ADAMTSL1: variants seen among roughly 807,000 people sequenced by gnomAD.
ADAMTSL1 encodes the protein ADAMTS-like protein 1.
ADAMTSL1 carries 126 observed loss-of-function variants against 201.8 expected under a neutral mutation model. The ratio of observed to expected loss-of-function variants is 0.62; its 90% CI spans 0.54 to 0.72. ADAMTSL1 has a LOEUF of 0.72. Ranked by LOEUF, ADAMTSL1 falls within the 30% of genes least tolerant of loss-of-function variation. The pLI is 0.00. For synonymous variants in ADAMTSL1, 1,121 were observed against 903.4 expected (o/e 1.24, Z -4.32); for missense variants, 2,679 against 2,277.8 (o/e 1.18, Z -3.59).
At chr9:18,200,380 G>A (rs983514523) in intron 2 of ADAMTSL1, among the ~76,000 whole-genome samples, 1 of 151,924 alleles carries the variant, frequency 6.6e-6, no homozygotes, top group East Asian at 1.9e-4. Context: ...TTTTGGAACT[G>A]TATAAATTCT....
intron 2 of ADAMTSL1, among the ~76,000 whole-genome samples, chr9:18,293,952 CATAAA>C: frequency 6.6e-6 from 1 of 152,184 alleles, no homozygotes; most frequent in East Asian, 1.9e-4. Flanking sequence ...CTGTACTAAA[CATAAA>C]ATAACAGGGA....
At chr9:18,063,050 C>T (rs553308893) in intron 1 of ADAMTSL1, among the ~76,000 whole-genome samples, 11 of 152,104 alleles carry the variant, frequency 7.2e-5, no homozygotes, top group South Asian at 4.2e-4. Context: ...AGTTTGTTGC[C>T]GGGTGTGGTA....
At chr9:18,573,472 GT>G (rs1185174963) in intron 3 of ADAMTSL1, 2 of 155,758 alleles carry the variant, frequency 1.3e-5, no homozygotes, top group Non-Finnish European at 2.9e-5. Context: ...TATATAAATG[GT>G]TTCATATTTT....
At chr9:18,596,521 G>A (rs1411714255) in intron 4 of ADAMTSL1, among the ~76,000 whole-genome samples, 1 of 152,158 alleles carries the variant, frequency 6.6e-6, no homozygotes, top group Admixed American at 6.5e-5. Flanking sequence ...AGCCTCCTGA[G>A]TAGCTGGGAT....
intron 2 of ADAMTSL1, among the ~76,000 whole-genome samples, chr9:18,514,477 C>A (rs1349258097): frequency 6.6e-6 from 1 of 151,786 alleles, no homozygotes; most frequent in Non-Finnish European, 1.5e-5. Context: ...CTACAGGCAC[C>A]CGCCACCATG....
chr9:18,328,224 A>G (rs1276737129), intron 2 of ADAMTSL1, among the ~76,000 whole-genome samples: 1 of 152,162 alleles, frequency 6.6e-6, no homozygotes, highest in Non-Finnish European at 1.5e-5. Flanking sequence ...TGCTGTGGAG[A>G]GTGCATGTGT....
intron 2 of ADAMTSL1, among the ~76,000 whole-genome samples, chr9:18,524,072 G>A (rs1425625287): frequency 6.6e-6 from 1 of 150,622 alleles, no homozygotes; most frequent in Non-Finnish European, 1.5e-5. Context: ...TCCTACCCAT[G>A]AGCATGGAAT....
chr9:18,673,002 G>A (rs1376481153), intron 9 of ADAMTSL1, among the ~76,000 whole-genome samples: 1 of 152,052 alleles, frequency 6.6e-6, no homozygotes, highest in Non-Finnish European at 1.5e-5. Context: ...CATAATGAAG[G>A]CACTGGAGAA....
chr9:18,236,262 G>T (rs1304810606), intron 2 of ADAMTSL1, among the ~76,000 whole-genome samples: 2 of 152,066 alleles, frequency 1.3e-5, no homozygotes, highest in Non-Finnish European at 2.9e-5. Flanking sequence ...ACTAGAGACG[G>T]GGTTTCACTA....
At chr9:18,827,045 G>A (rs1824617828) in intron 22 of ADAMTSL1, among the ~76,000 whole-genome samples, 1 of 151,900 alleles carries the variant, frequency 6.6e-6, no homozygotes, top group African/African-American at 2.4e-5. Flanking sequence ...TCCACCATCT[G>A]ATTATTGCCC....
intron 2 of ADAMTSL1, among the ~76,000 whole-genome samples, chr9:18,519,215 C>T (rs1280459043): frequency 6.6e-6 from 1 of 152,220 alleles, no homozygotes; most frequent in African/African-American, 2.4e-5. Context: ...TCTCTAATTA[C>T]ATTATCAGTG....
At chr9:18,029,226 C>T (rs1039681774) in intron 1 of ADAMTSL1, among the ~76,000 whole-genome samples, 5 of 152,114 alleles carry the variant, frequency 3.3e-5, no homozygotes, top group Non-Finnish European at 7.4e-5. Context: ...TTGACTTCCT[C>T]TTTTCCTATT....
chr9:18,871,860 C>T (rs968098800), intron 23 of ADAMTSL1, among the ~76,000 whole-genome samples: 5 of 152,172 alleles, frequency 3.3e-5, no homozygotes, highest in African/African-American at 7.2e-5. Flanking sequence ...ACCACCTTAA[C>T]GATCCTTCTA....
intron 2 of ADAMTSL1, among the ~76,000 whole-genome samples, chr9:18,332,155 A>ATAAC (rs1835054639): frequency 6.6e-6 from 1 of 152,186 alleles, no homozygotes; most frequent in Non-Finnish European, 1.5e-5. Context: ...AATATATTAT[A>ATAAC]TAACTACAAA....
chr9:18,026,613 T>G (rs1820706244), intron 1 of ADAMTSL1, among the ~76,000 whole-genome samples: 1 of 152,146 alleles, frequency 6.6e-6, no homozygotes, highest in Non-Finnish European at 1.5e-5. Flanking sequence ...TTGCAAGTAT[T>G]GTCTTGAGGA....
intron 4 of ADAMTSL1, among the ~76,000 whole-genome samples, chr9:18,589,316 G>T (rs886210191): frequency 1.3e-4 from 19 of 151,926 alleles, no homozygotes; most frequent in Non-Finnish European, 4.4e-5. Flanking sequence ...TTATTCTAAG[G>T]TATTTTTTCT....
At chr9:18,061,227 A>AT (rs1822441855) in intron 1 of ADAMTSL1, among the ~76,000 whole-genome samples, 1 of 152,228 alleles carries the variant, frequency 6.6e-6, no homozygotes, top group Non-Finnish European at 1.5e-5. Context: ...CAGGTCACTT[A>AT]GCAGCTCTGA....
At chr9:18,100,575 C>T (rs1824470361) in intron 1 of ADAMTSL1, among the ~76,000 whole-genome samples, 1 of 152,142 alleles carries the variant, frequency 6.6e-6, no homozygotes, top group Admixed American at 6.6e-5. Flanking sequence ...CTGAAACTTC[C>T]TAAGTCTATT....
intron 14 of ADAMTSL1, among the ~76,000 whole-genome samples, chr9:18,716,188 A>G (rs1053205102): frequency 3.3e-5 from 5 of 152,064 alleles, no homozygotes; most frequent in Admixed American, 6.6e-5. Flanking sequence ...CAAGGACTTC[A>G]TGTCTAAAAC....
Sources: allele counts gnomAD v4.1 joint callset (sites outside exome capture counted in the v4.1 genomes callset), GRCh38; gene constraint gnomAD v4.1.1; transcripts MANE v1.5; gene names NCBI Gene and HGNC (gene_info 2026-07-23, HGNC 2026-07-21).